MCM3AP: variants seen among roughly 807,000 people sequenced by gnomAD.
MCM3AP encodes the protein minichromosome maintenance complex component 3 associated protein, also known as germinal-center associated nuclear protein.
MCM3AP carries 126 observed loss-of-function variants against 184.1 expected under a neutral mutation model. The observed-to-expected ratio is 0.68, with a 90% CI of 0.59 to 0.79. The LOEUF (loss-of-function observed/expected upper bound fraction) is 0.79, where lower values mean the gene tolerates loss of function less well. Ranked by LOEUF, MCM3AP falls within the 30% of genes least tolerant of loss-of-function variation. The probability of loss-of-function intolerance (pLI) is 0.00; values close to 1 mark genes in which losing one functional copy is unlikely to be tolerated. For missense variants in MCM3AP, 2,496 were observed against 2,479.2 expected, an observed-to-expected ratio of 1.01 and a Z score of -0.14; for synonymous variants, 1,002 against 979.3, an observed-to-expected ratio of 1.02 and a Z score of -0.43.
chr21:46,241,384 G>A, intron 25 of MCM3AP: 1 of 181,490 alleles, frequency 5.5e-6, no homozygotes, highest in Non-Finnish European at 1.2e-5. Flanking sequence ...CCTAGTATTG[G>A]CAAGGTTTTT....
At position 46,235,232 on chromosome 21, in the gene MCM3AP, C is replaced by T; in HGVS notation, c.*36G>A. ...ATTATTTTGAGTAAAAACAGAAACT[C>T]TTCGGGAGAGACCCCCTCCCCACAG... is the stretch of plus-strand genomic sequence containing the variant. On this transcript the variant is annotated 3_prime_UTR_variant, in exon 28 of 28. Transcript: ENST00000291688. 1 of 1,607,834 alleles carries T rather than the reference C, an allele frequency of 6.2e-7. No homozygotes were observed.
At position 46,265,830 on chromosome 21, in the gene MCM3AP, G is replaced by A. The variant is rs566972617; in HGVS notation, c.3031+95C>T. The stretch of plus-strand genomic sequence containing the variant: ...ACAGGTGCTCAGGCTCCTGGGAGGC[G>A]TCCTGGCGAGAAAATGCAGATGCCC... On this transcript the variant is annotated intron_variant, in intron 11 of 27. Coordinates refer to ENST00000291688, the MANE Select transcript of MCM3AP (RefSeq NM_003906.5). 1.1e-4 allele frequency: 157 copies of A among 1,440,044 alleles called. 2 individuals are homozygous for A. In the South Asian group the frequency reaches 1.6e-3, roughly 15 times the overall value. 89.2% of individuals were successfully genotyped at this position (1,440,044 alleles called of 1,614,324 possible).
rs1424891084 is a variant in MCM3AP at position 46,275,175 on chromosome 21, C to T, written c.1998+11G>A. 2.5e-6 allele frequency: 4 copies of T among 1,608,590 alleles called. No homozygotes were observed. In the Admixed American group the frequency reaches 6.8e-5, roughly 27 times the overall value. ...CCTGCCCACACTCCACGGGGAGATG[C>T]AGGGCTCTACCTGGTCAGTCCCTGG... On this transcript the variant is annotated intron_variant, in intron 6 of 27. Transcript: ENST00000291688.
At chr21:46,275,392 C>T (rs1021273458) in intron 5 of MCM3AP, 67 bp from the exon 6 acceptor site, 19 of 1,329,806 alleles carry the variant, frequency 1.4e-5, no homozygotes, top group Middle Eastern at 3.8e-4. Flanking sequence ...GAAGTGTATT[C>T]TCATAATGAT....
chr21:46,252,281 A>G (rs965308595), intron 19 of MCM3AP: 3 of 152,184 alleles, frequency 2.0e-5, no homozygotes, highest in African/African-American at 7.2e-5. Flanking sequence ...GCAATAGAAA[A>G]CATCCCTAGA....
At chr21:46,269,336 T>C (rs2081152242) in intron 9 of MCM3AP, among the ~76,000 whole-genome samples, 1 of 152,078 alleles carries the variant, frequency 6.6e-6, no homozygotes, top group Non-Finnish European at 1.5e-5. Context: ...AGGCTGGCCT[T>C]GAACTCCTGA....
At chr21:46,270,935 T>C (rs889560297) in intron 8 of MCM3AP, among the ~76,000 whole-genome samples, 1 of 152,214 alleles carries the variant, frequency 6.6e-6, no homozygotes, top group East Asian at 1.9e-4. Context: ...AAAACAATAA[T>C]GAATAGAATA....
chr21:46,284,565 A>G lies in MCM3AP; in HGVS notation c.722T>C (p.Ile241Thr), dbSNP rs1267460132. Reference protein sequence around the residue: ...VEEEKRGPKSIFGSSNNSFSS... With the variant: ...VEEEKRGPKSTFGSSNNSFSS... ...GAAGCTATTATTAGAACTTCCAAATATTGACTTAGGTCCTCTCTTCTCTTC... is the reference window on the plus strand; with the variant it reads ...GAAGCTATTATTAGAACTTCCAAATGTTGACTTAGGTCCTCTCTTCTCTTC... Residue 241 changes from isoleucine to threonine, a missense_variant, in exon 1 of 28, where the codon ATA becomes ACA. This residue lies in a region of MCM3AP where 800 missense variants were observed against 717.1 expected (regional missense o/e 1.12). Coordinates refer to ENST00000291688, the MANE Select transcript of MCM3AP (RefSeq NM_003906.5). 6 of 1,614,196 alleles carry G rather than the reference A, an allele frequency of 3.7e-6. No homozygotes were observed. The highest frequency in any genetic ancestry group is 5.1e-6 in the Non-Finnish European group (6 of 1,180,018).
intron 4 of MCM3AP, among the ~76,000 whole-genome samples, chr21:46,278,834 C>G (rs1454164643): frequency 6.6e-6 from 1 of 151,754 alleles, no homozygotes; most frequent in Non-Finnish European, 1.5e-5. Context: ...CCACCATGCC[C>G]GGCTAATTTT....
At chr21:46,240,295 G>T (rs1474786267) in intron 26 of MCM3AP, among the ~76,000 whole-genome samples, 1 of 152,166 alleles carries the variant, frequency 6.6e-6, no homozygotes, top group African/African-American at 2.4e-5. Context: ...GAAGGCAGAG[G>T]ACAACCTGTG....
In MCM3AP at chr21:46,272,749, G is replaced by A. The variant is rs766767939; in HGVS notation, c.2277C>T (p.Ala759=). 3.1e-6 allele frequency: 5 copies of A among 1,613,900 alleles called. No homozygotes were observed. The African/African-American group carries it at 5.3e-5, about 17-fold the overall frequency. Residue 759 remains alanine, a synonymous_variant, in exon 8 of 28, where the codon GCC becomes GCT. Coordinates refer to ENST00000291688, the MANE Select transcript of MCM3AP (RefSeq NM_003906.5). Reference sequence around the variant, plus strand: ...ACATGGGCTCCTCACACATGAAGTGGGCACAGTGGATGTGAAACCGGGTGC... The same window carrying A: ...ACATGGGCTCCTCACACATGAAGTGAGCACAGTGGATGTGAAACCGGGTGC... ...EKCTRFHIHC[A]HFMCEEPMSS...
intron 2 of MCM3AP, among the ~76,000 whole-genome samples, chr21:46,281,630 T>C (rs931211360): frequency 1.3e-5 from 2 of 151,994 alleles, no homozygotes; most frequent in Non-Finnish European, 2.9e-5. Flanking sequence ...AGGACCAGCC[T>C]GGGCCACATA....
intron 27 of MCM3AP, 120 bp from the exon 28 acceptor site, chr21:46,235,546 A>G: frequency 3.8e-6 from 3 of 791,340 alleles, no homozygotes; most frequent in Non-Finnish European, 6.0e-6. Flanking sequence ...ATTTATTTTT[A>G]CAGAGGGAAA....
chr21:46,259,202 TCC>T, intron 15 of MCM3AP, 111 bp from the exon 16 acceptor site: 6 of 1,063,728 alleles, frequency 5.6e-6, no homozygotes, highest in Non-Finnish European at 6.8e-6. Flanking sequence ...ACGCCTGTAA[TCC>T]CAGCACTTTG....
chr21:46,248,778 T>TA (rs1280123958), intron 20 of MCM3AP, among the ~76,000 whole-genome samples: 3 of 152,040 alleles, frequency 2.0e-5, no homozygotes, highest in African/African-American at 4.8e-5. Context: ...ATATATGGAA[T>TA]AAAAAATTCA....
Position 46,240,893 on chromosome 21 carries a change from G to T in MCM3AP, c.5551C>A (p.Leu1851Met). The change falls in exon 26 of 28, where the codon CTG becomes ATG. Residue 1851 changes from leucine to methionine, a missense_variant. By Grantham distance (15) the Leu-to-Met change is conservative. This residue lies in a region of MCM3AP where 1,323 missense variants were observed against 1,273.4 expected (regional missense o/e 1.04). Coordinates refer to ENST00000291688, the MANE Select transcript of MCM3AP (RefSeq NM_003906.5). ...QEGRIPSTED[L>M]MRGASAEELL... Reference sequence around the variant, plus strand: ...TCCTCAGCAGAAGCTCCTCGCATCAGATCCTCTGTGCTGGGAATCCTCCCC... The same window carrying T: ...TCCTCAGCAGAAGCTCCTCGCATCATATCCTCTGTGCTGGGAATCCTCCCC... 1 of 1,614,206 alleles carries T rather than the reference G, an allele frequency of 6.2e-7. No individual in the cohort carries two copies. Among genetic ancestry groups the T allele is most frequent in the Admixed American group, 1.7e-5 (1 of 60,030 alleles).
chr21:46,280,336 A>G (rs1456154003), intron 3 of MCM3AP, among the ~76,000 whole-genome samples, 161 bp downstream of exon 3: 1 of 152,230 alleles, frequency 6.6e-6, no homozygotes, highest in Non-Finnish European at 1.5e-5. Flanking sequence ...TCACGCTCAA[A>G]GGGTTTGGAC....
At position 46,260,835 on chromosome 21, in the gene MCM3AP, A is replaced by T. The variant is rs1460097951; in HGVS notation, c.3539T>A (p.Val1180Glu). Residue 1180 changes from valine to glutamate, a missense_variant, in exon 15 of 28, where the codon GTG becomes GAG. By Grantham distance (121) the Val-to-Glu change is moderately radical. Coordinates refer to ENST00000291688, the MANE Select transcript of MCM3AP (RefSeq NM_003906.5). Reference protein sequence around the residue: ...QGLAVELMERVMMEFVRETCS... With the variant: ...QGLAVELMEREMMEFVRETCS... ...GGTTTCCCTCACAAACTCCATCATC[A>T]CGCGTTCCATCAGCTCCACGGCCAG... is the stretch of plus-strand genomic sequence containing the variant. 1 of 1,614,096 alleles carries T rather than the reference A, an allele frequency of 6.2e-7. No individual in the cohort carries two copies. The highest frequency in any genetic ancestry group is 1.1e-5 in the South Asian group (1 of 91,078).
intron 10 of MCM3AP, chr21:46,266,771 A>G (rs1450218595): frequency 7.1e-6 from 4 of 559,852 alleles, no homozygotes; most frequent in Admixed American, 6.4e-5. Flanking sequence ...TTGGAGTCAC[A>G]AAGAACTTGG....
Sources: gnomAD v4.1 joint callset for allele counts (sites outside exome capture counted in the v4.1 genomes callset) on GRCh38, gnomAD v4.1.1 for gene constraint, gnomAD v4.1.1 regional missense constraint, MANE v1.5 for transcripts, NCBI Gene and HGNC (gene_info 2026-07-23, HGNC 2026-07-21) for gene names.